The following MAP3K12 variants were observed in gnomAD, a reference collection of about 807,000 sequenced individuals.
The protein encoded by MAP3K12 is MAPK-upstream kinase.
MAP3K12 carries 14 observed loss-of-function variants against 87.5 expected under a neutral mutation model. That is an observed-to-expected ratio of 0.16 (90% confidence interval 0.11 to 0.25). The LOEUF is 0.25. Among genes scored for constraint, MAP3K12 ranks in the 10% least tolerant of loss-of-function variants. MAP3K12 has a pLI of 1.00. For synonymous variants in MAP3K12, 469 were observed against 452.5 expected, an observed-to-expected ratio of 1.04 and a Z score of -0.46; for missense variants, 802 against 1,140.4, an observed-to-expected ratio of 0.70 and a Z score of 4.27.
chr12:53,485,698 G>A, intron 4 of MAP3K12: 1 of 565,834 alleles, frequency 1.8e-6, no homozygotes, highest in Non-Finnish European at 3.1e-6. Context: ...TGAGACTACG[G>A]GCACTCGCCA....
chr12:53,497,189 G>C (rs1365138689), intron 1 of MAP3K12, among the ~76,000 whole-genome samples: 1 of 152,180 alleles, frequency 6.6e-6, no homozygotes, highest in Non-Finnish European at 1.5e-5. Flanking sequence ...GCATGATTAA[G>C]AAAATCAAAA....
intron 1 of MAP3K12, 67 bp from the exon 2 acceptor site, chr12:53,487,495 T>C (rs749437573): frequency 2.6e-5 from 38 of 1,474,050 alleles, no homozygotes; most frequent in Non-Finnish European, 3.4e-5. Flanking sequence ...AGGACACTTA[T>C]CCCAGAGGCA....
In MAP3K12 at chr12:53,483,016, C is replaced by A. The variant is rs143743852; in HGVS notation, c.1787G>T (p.Arg596Leu). 15 of 1,562,162 alleles carry A rather than the reference C, an allele frequency of 9.6e-6. 1 individual carries two copies. The South Asian group carries it at 1.4e-4, about 15-fold the overall frequency. Residue 596 changes from arginine (R) to leucine (L), a missense_variant, in exon 11 of 14, where the codon CGT (arginine) becomes CTT (leucine). Transcript: ENST00000547488. Reference sequence around the variant, plus strand: ...AGGTTCATGGGGTGGCACAGCTGTACGAAGCCCAGGCAGGTCCCCACAGCT... The same window carrying A: ...AGGTTCATGGGGTGGCACAGCTGTAAGAAGCCCAGGCAGGTCCCCACAGCT... ...KGSCGDLPGLRTAVPPHEPGG... is the reference protein window; with the variant it reads ...KGSCGDLPGLLTAVPPHEPGG...
In MAP3K12 at chr12:53,482,225, AG is replaced by A; in HGVS notation, c.2310-15del. On this transcript the variant is annotated splice_polypyrimidine_tract_variant and intron_variant, in intron 12 of 13. Transcript: ENST00000547488. ...CTCTGAGGCCACCTACATGTTGAAG[AG>A]GGGGATTACAGCTTGGTTCTGCCCC... 6.2e-7 allele frequency: 1 copy of A among 1,614,122 alleles called. No homozygotes were observed.
intron 1 of MAP3K12, among the ~76,000 whole-genome samples, chr12:53,496,668 G>C (rs541268237): frequency 6.6e-6 from 1 of 152,260 alleles, no homozygotes; most frequent in Non-Finnish European, 1.5e-5. Context: ...GTGGAATTGT[G>C]AGTGTTTTAA....
chr12:53,486,362 G>C lies in MAP3K12; in HGVS notation c.629+77C>G. The C allele has an allele frequency of 1.3e-6, 2 of 1,574,812 alleles. No individual in the cohort carries two copies. The highest frequency in any genetic ancestry group is 1.7e-5 in the Admixed American group (1 of 57,686). ...ATGGATCTCCTCTGGGGAAGGATGGGGTAGGTCCCACTGCCCAGGAGGGTA... is the reference window on the plus strand; with the variant it reads ...ATGGATCTCCTCTGGGGAAGGATGGCGTAGGTCCCACTGCCCAGGAGGGTA... On this transcript the variant is annotated intron_variant, in intron 3 of 13. Coordinates refer to ENST00000547488, the MANE Select transcript of MAP3K12 (RefSeq NM_001193511.2). This position sits in a 1 kb window ranked among gnomAD's most constrained non-coding sequence, Gnocchi z 4.9.
At chr12:53,489,356 C>T (rs936350038) in intron 1 of MAP3K12, among the ~76,000 whole-genome samples, 1 of 152,160 alleles carries the variant, frequency 6.6e-6, no homozygotes, top group African/African-American at 2.4e-5. Context: ...TGAATCCTGA[C>T]TTGCTTCTGC....
Position 53,483,155 on chromosome 12 carries a change from T to C in MAP3K12, c.1648A>G (p.Lys550Glu). 2 of 1,521,230 alleles carry C rather than the reference T, an allele frequency of 1.3e-6. No homozygotes were observed. Among genetic ancestry groups the C allele is most frequent in the Non-Finnish European group, 1.8e-6 (2 of 1,136,890 alleles). The allele number at this position is 1,521,230 out of a possible 1,614,324, so 94.2% of individuals were successfully genotyped here. Residue 550 changes from lysine to glutamate, a missense_variant, in exon 11 of 14, where the codon AAA becomes GAA. By Grantham distance (56) the Lys-to-Glu change is moderately conservative. Coordinates refer to ENST00000547488, the MANE Select transcript of MAP3K12 (RefSeq NM_001193511.2). Reference protein sequence around the residue: ...DILKTESLLPKLDAALSGVGL... With the variant: ...DILKTESLLPELDAALSGVGL... ...ACCCCACTCAGGGCTGCATCTAGTT[T>C]AGGGAGCAAAGACTCCGTCTTGAGG...
At chr12:53,494,466 G>T (rs569003595) in intron 1 of MAP3K12, among the ~76,000 whole-genome samples, 1 of 152,194 alleles carries the variant, frequency 6.6e-6, no homozygotes, top group Non-Finnish European at 1.5e-5. Context: ...AGGGTAGAGT[G>T]GGGTAGGAAG....
At chr12:53,500,578 T>C (rs573602665), upstream of MAP3K12, 3 of 152,588 alleles carry the variant, frequency 2.0e-5, no homozygotes, top group East Asian at 5.8e-4. Context: ...AAGTTCTGTG[T>C]CACGGAGGCC....
chr12:53,495,339 CA>C (rs10647631), intron 1 of MAP3K12, among the ~76,000 whole-genome samples: 268 of 19,358 alleles, frequency 0.014, no homozygotes, highest in African/African-American at 0.039. Context: ...ACTCTGTCTC[CA>C]AAAAAAAAAA....
chr12:53,484,141 C>A, intron 7 of MAP3K12, 116 bp downstream of exon 7: 1 of 1,341,068 alleles, frequency 7.5e-7, no homozygotes, highest in South Asian at 1.2e-5. Flanking sequence ...TTGACTCAGC[C>A]CTCTAAGAGC....
upstream of MAP3K12, chr12:53,501,321 G>A: frequency 6.7e-7 from 1 of 1,486,358 alleles, no homozygotes; most frequent in Non-Finnish European, 9.1e-7. Flanking sequence ...CGCGACTCCG[G>A]GCTTGGCCCC....
chr12:53,485,766 C>T, intron 4 of MAP3K12: 1 of 515,370 alleles, frequency 1.9e-6, no homozygotes, highest in Non-Finnish European at 3.4e-6. Flanking sequence ...CCATGTTGGC[C>T]AGGATGGTCT....
At chr12:53,489,897 C>A (rs771310219) in intron 1 of MAP3K12, among the ~76,000 whole-genome samples, 1 of 152,228 alleles carries the variant, frequency 6.6e-6, no homozygotes, top group Non-Finnish European at 1.5e-5. Context: ...CCCACTGTTA[C>A]TGCCTTAGTT....
chr12:53,485,233 C>G lies in MAP3K12; in HGVS notation c.981-19G>C. ...AAAGGACCTAGGGATGAGGGGACATCACTTGTGCTCAAGCCCTAGAAGTTG... is the reference window on the plus strand; with the variant it reads ...AAAGGACCTAGGGATGAGGGGACATGACTTGTGCTCAAGCCCTAGAAGTTG... On this transcript the variant is annotated intron_variant, in intron 5 of 13. Coordinates refer to ENST00000547488, the MANE Select transcript of MAP3K12 (RefSeq NM_001193511.2). 1 of 1,603,790 alleles carries G rather than the reference C, an allele frequency of 6.2e-7. No homozygotes were observed. The highest frequency in any genetic ancestry group is 1.1e-5 in the South Asian group (1 of 89,466).
intron 1 of MAP3K12, among the ~76,000 whole-genome samples, chr12:53,491,800 G>A (rs1943415357): frequency 6.7e-6 from 1 of 148,954 alleles, no homozygotes; most frequent in Non-Finnish European, 1.5e-5. Flanking sequence ...TCTGCTGGGC[G>A]CAGTGGCTCA....
At chr12:53,490,942 C>G (rs1943381350) in intron 1 of MAP3K12, among the ~76,000 whole-genome samples, 2 of 151,910 alleles carry the variant, frequency 1.3e-5, no homozygotes, top group South Asian at 4.1e-4. Flanking sequence ...CACCAACAAA[C>G]TTGGCCACGT....
In MAP3K12 at chr12:53,485,830, A is replaced by T. The variant is rs1943214182; in HGVS notation, c.821+226T>A. On this transcript the variant is annotated intron_variant, in intron 4 of 13. Coordinates refer to ENST00000547488, the MANE Select transcript of MAP3K12 (RefSeq NM_001193511.2). ...CTCGGCCTCCCAAAGTGTTGGGATT[A>T]CAGGCGTGAGCCACTGCATCCGGCC... 6 of 559,494 alleles carry T rather than the reference A, an allele frequency of 1.1e-5. No individual in the cohort carries two copies. In the South Asian group the frequency reaches 1.1e-4, roughly 11 times the overall value. The allele number at this position is 559,494 out of a possible 1,614,324, so 34.7% of individuals were successfully genotyped here. A position where few individuals can be genotyped will look rare whatever the true frequency, so the allele number is the denominator to read the frequency against.
Sources: gnomAD v4.1 joint callset for allele counts (sites outside exome capture counted in the v4.1 genomes callset) on GRCh38, gnomAD v4.1.1 for gene constraint, Gnocchi (gnomAD v3.1) non-coding constraint, MANE v1.5 for transcripts, NCBI Gene and HGNC (gene_info 2026-07-23, HGNC 2026-07-21) for gene names.